BTAF1: variants seen among roughly 807,000 people sequenced by gnomAD.
The protein encoded by BTAF1 is B-TFIID TATA-box binding protein associated factor 1.
In BTAF1, 38 loss-of-function variants were observed where a neutral mutation model predicts 227.1. The ratio of observed to expected loss-of-function variants is 0.17; its 90% CI spans 0.13 to 0.22. BTAF1 has a LOEUF of 0.22. Ranked by LOEUF, BTAF1 falls within the 10% of genes least tolerant of loss-of-function variation. The pLI is 1.00. For synonymous variants in BTAF1, 742 were observed against 751.9 expected, an observed-to-expected ratio of 0.99 and a Z score of 0.21; for missense variants, 1,598 against 2,204.0, an observed-to-expected ratio of 0.73 and a Z score of 5.51.
chr10:91,932,101 T>G (rs2066176), intron 1 of BTAF1, among the ~76,000 whole-genome samples: 145,785 of 152,232 alleles, frequency 0.96, 70,155 homozygotes, highest in East Asian at 1. Flanking sequence ...GAACTGTGTG[T>G]CTGTGGGACA....
chr10:92,000,907 A>G (rs373257209), intron 25 of BTAF1, among the ~76,000 whole-genome samples: 11 of 152,204 alleles, frequency 7.2e-5, no homozygotes, highest in East Asian at 5.8e-4. Flanking sequence ...AGAGATTTTG[A>G]ACTTTAGGTA....
intron 1 of BTAF1, among the ~76,000 whole-genome samples, chr10:91,930,400 A>AG (rs1377143659): frequency 6.6e-6 from 1 of 152,180 alleles, no homozygotes; most frequent in Non-Finnish European, 1.5e-5. Flanking sequence ...CTAGAGGTAT[A>AG]GCAGAGAAAA....
chr10:91,940,053 G>A lies in BTAF1; in HGVS notation c.240G>A (p.Pro80=), dbSNP rs192476605. The change falls in exon 3 of 38, where the codon CCG becomes CCA. Residue 80 remains proline, a synonymous_variant. Coordinates refer to ENST00000265990, the MANE Select transcript of BTAF1 (RefSeq NM_003972.3). The stretch of plus-strand genomic sequence containing the variant: ...ATGTACCTGAGTGGAATCCAGTGCC[G>A]AGAACCAGACAAGGTGCTTTTAAGT... ...VKNVPEWNPV[P]RTRQEPTSES... 4.9e-5 allele frequency: 79 copies of A among 1,609,082 alleles called. 1 individual carries two copies. The Admixed American group carries it at 8.8e-4, about 18-fold the overall frequency.
chr10:91,991,361 C>T (rs1331979049), intron 20 of BTAF1, among the ~76,000 whole-genome samples: 1 of 147,618 alleles, frequency 6.8e-6, no homozygotes, highest in Non-Finnish European at 1.5e-5. Context: ...TGAGAGTCCC[C>T]TTGAACCTGG....
chr10:91,949,346 T>C (rs1589783486), intron 4 of BTAF1, among the ~76,000 whole-genome samples: 1 of 152,322 alleles, frequency 6.6e-6, no homozygotes, highest in South Asian at 2.1e-4. Context: ...TAAAACCTTT[T>C]AATTCTAACA....
In BTAF1 at chr10:91,957,027, A is replaced by G. The variant is rs4933706; in HGVS notation, c.832-198A>G. 0.3 allele frequency among the ~76,000 whole-genome samples: 45,910 copies of G among 152,048 alleles called. 8,513 individuals carry two copies. The highest frequency in any genetic ancestry group is 0.52 in the South Asian group (2,492 of 4,814). On this transcript the variant is annotated intron_variant, in intron 7 of 37. Coordinates refer to ENST00000265990, the MANE Select transcript of BTAF1 (RefSeq NM_003972.3). ...TTGCTTATAAATCTTTTTCAAACTA[A>G]TATATCATTGAAAGTATTGAATAAT... is the stretch of plus-strand genomic sequence containing the variant.
chr10:91,943,537 G>T (rs945152075), intron 4 of BTAF1, among the ~76,000 whole-genome samples: 1 of 151,970 alleles, frequency 6.6e-6, no homozygotes, highest in Non-Finnish European at 1.5e-5. Context: ...TCATTTAGAG[G>T]CTTATTAATA....
chr10:91,983,661 A>G (rs1358160097), intron 18 of BTAF1, among the ~76,000 whole-genome samples: 2 of 152,202 alleles, frequency 1.3e-5, no homozygotes, highest in African/African-American at 4.8e-5. Context: ...GATAACTGAG[A>G]TGCCACAGAA....
chr10:91,987,998 C>T (rs1016587241), intron 19 of BTAF1, among the ~76,000 whole-genome samples: 2 of 152,186 alleles, frequency 1.3e-5, no homozygotes, highest in South Asian at 4.1e-4. Flanking sequence ...CTGTTTTCCA[C>T]TCCCTACCTC....
chr10:91,946,276 T>G (rs78612600), intron 4 of BTAF1, among the ~76,000 whole-genome samples: 2,043 of 152,226 alleles, frequency 0.013, 47 homozygotes, highest in African/African-American at 0.045. Flanking sequence ...GGAGAATCGC[T>G]TCAACCTGGG....
At chr10:91,926,460 A>G (rs373291447) in intron 1 of BTAF1, among the ~76,000 whole-genome samples, 115 of 152,290 alleles carry the variant, frequency 7.6e-4, no homozygotes, top group African/African-American at 2.7e-3. Flanking sequence ...ATGTCCAGCC[A>G]GTTACCAAAT....
intron 11 of BTAF1, among the ~76,000 whole-genome samples, chr10:91,961,783 G>T (rs1269941016): frequency 1.3e-5 from 2 of 152,086 alleles, no homozygotes; most frequent in Admixed American, 1.3e-4. Flanking sequence ...AATGTCTGGG[G>T]CCTGGTCTGT....
chr10:91,933,295 G>A (rs1399049533), intron 1 of BTAF1, among the ~76,000 whole-genome samples: 3 of 152,172 alleles, frequency 2.0e-5, no homozygotes, highest in Non-Finnish European at 4.4e-5. Flanking sequence ...GGGCGTTTTA[G>A]GAAGTTAATC....
rs1216847457 is a variant in BTAF1 at position 91,953,823 on chromosome 10, G to A, written c.651G>A (p.Lys217=). Residue 217 remains lysine (K), a synonymous_variant, in exon 6 of 38, where the codon AAG becomes AAA. Transcript: ENST00000265990. ...AGAACAAAGCTAAAAGAATGGCCAAGTTATTTGCAAAACAGAGATCCAGGG... is the reference window on the plus strand; with the variant it reads ...AGAACAAAGCTAAAAGAATGGCCAAATTATTTGCAAAACAGAGATCCAGGG... ...RQKNKAKRMA[K]LFAKQRSRDA... is the part of the protein sequence containing the mutation. The A allele has an allele frequency of 9.3e-6, 15 of 1,613,888 alleles. No homozygotes were observed. Among genetic ancestry groups the A allele is most frequent in the Non-Finnish European group, 1.2e-5 (14 of 1,179,934 alleles).
At chr10:91,962,259 A>G (rs983250111) in intron 11 of BTAF1, among the ~76,000 whole-genome samples, 1 of 152,204 alleles carries the variant, frequency 6.6e-6, no homozygotes, top group African/African-American at 2.4e-5. Context: ...GTTCAGTAAC[A>G]TGCTGTGCAG....
At chr10:92,004,893 A>G (rs1457217130) in intron 25 of BTAF1, among the ~76,000 whole-genome samples, 1 of 152,136 alleles carries the variant, frequency 6.6e-6, no homozygotes, top group Non-Finnish European at 1.5e-5. Flanking sequence ...TCTTACATTT[A>G]ATTTTTTGAT....
intron 2 of BTAF1, among the ~76,000 whole-genome samples, chr10:91,936,497 C>CA: frequency 6.6e-6 from 1 of 152,106 alleles, no homozygotes; most frequent in Non-Finnish European, 1.5e-5. Context: ...ATCTGCCCAT[C>CA]TCTGTTGAGT....
chr10:91,933,721 A>G (rs559570198), intron 1 of BTAF1, among the ~76,000 whole-genome samples: 2 of 152,322 alleles, frequency 1.3e-5, no homozygotes, highest in East Asian at 1.9e-4. Flanking sequence ...CTTGATTTAT[A>G]TGGATTAAAT....
intron 20 of BTAF1, among the ~76,000 whole-genome samples, chr10:91,991,486 C>T (rs1848751461): frequency 4.0e-5 from 6 of 150,470 alleles, no homozygotes; most frequent in Admixed American, 3.3e-4. Flanking sequence ...CATGGTGGCT[C>T]ATGCCTATAA....
Sources: allele counts gnomAD v4.1 joint callset (sites outside exome capture counted in the v4.1 genomes callset), GRCh38; gene constraint gnomAD v4.1.1; transcripts MANE v1.5; gene names NCBI Gene and HGNC (gene_info 2026-07-23, HGNC 2026-07-21).